The following PCNX2 variants were observed in gnomAD, a reference collection of about 807,000 sequenced individuals.
PCNX2 encodes pecanex-like protein 2.
In PCNX2, 168 loss-of-function variants were observed where a neutral mutation model predicts 223.8. The ratio of observed to expected loss-of-function variants is 0.75; its 90% CI spans 0.66 to 0.85. The LOEUF is 0.85. Ranked by LOEUF, PCNX2 falls within the 40% of genes least tolerant of loss-of-function variation. The pLI is 0.00. For synonymous variants in PCNX2, 1,006 were observed against 1,052.6 expected, an observed-to-expected ratio of 0.96 and a Z score of 0.86; for missense variants, 2,507 against 2,675.5, an observed-to-expected ratio of 0.94 and a Z score of 1.39.
intron 8 of PCNX2, 134 bp from the exon 9 acceptor site, chr1:233,237,114 G>T: frequency 8.8e-7 from 1 of 1,130,794 alleles, no homozygotes; most frequent in Non-Finnish European, 1.2e-6. Context: ...TACATAAACA[G>T]TTAAGAGTTT....
intron 4 of PCNX2, among the ~76,000 whole-genome samples, chr1:233,259,676 A>G (rs1405549245): frequency 1.3e-5 from 2 of 151,930 alleles, no homozygotes; most frequent in Admixed American, 1.3e-4. Context: ...CCCTGTGTCC[A>G]TGTGTTCTCA....
chr1:233,131,706 T>C (rs1293919628), intron 21 of PCNX2, among the ~76,000 whole-genome samples: 2 of 152,286 alleles, frequency 1.3e-5, no homozygotes, highest in East Asian at 3.9e-4. Flanking sequence ...GCTGCCTACT[T>C]TCCTTGCTTT....
chr1:233,099,973 A>T (rs1241449963), intron 21 of PCNX2, among the ~76,000 whole-genome samples: 1 of 152,222 alleles, frequency 6.6e-6, no homozygotes, highest in Non-Finnish European at 1.5e-5. Context: ...TATGAAGCTT[A>T]TCTCACTCCT....
intron 21 of PCNX2, among the ~76,000 whole-genome samples, chr1:233,116,205 C>T (rs1336813259): frequency 6.6e-6 from 1 of 152,134 alleles, no homozygotes; most frequent in Non-Finnish European, 1.5e-5. Flanking sequence ...CCACTCTCAA[C>T]AATTGACAGA....
intron 23 of PCNX2, among the ~76,000 whole-genome samples, chr1:233,074,594 C>G (rs1158976391): frequency 2.1e-5 from 1 of 47,702 alleles, no homozygotes; most frequent in Non-Finnish European, 4.3e-5. Context: ...GACTCCGTCT[C>G]AAAAAAAAAA....
At chr1:233,041,222 T>C (rs1481706673) in intron 25 of PCNX2, among the ~76,000 whole-genome samples, 1 of 152,200 alleles carries the variant, frequency 6.6e-6, no homozygotes, top group Non-Finnish European at 1.5e-5. Flanking sequence ...ACACAGTAAT[T>C]AATCTTTACA....
chr1:233,126,574 ATACT>A lies in PCNX2; in HGVS notation c.3837+8435_3837+8438del, dbSNP rs887946033. ...GAGGACTGGGAGGATTTATTCCAAA[ATACT>A]TACAATAGTTATCCATAGGAAGAGG... On this transcript the variant is annotated intron_variant, in intron 21 of 33. Coordinates refer to ENST00000258229, the MANE Select transcript of PCNX2 (RefSeq NM_014801.4). This position sits in a 1 kb window ranked among gnomAD's most constrained non-coding sequence, Gnocchi z 4.8. 6.6e-6 allele frequency among the ~76,000 whole-genome samples: 1 copy of A among 152,062 alleles called. No homozygotes were observed. The highest frequency in any genetic ancestry group is 1.5e-5 in the Non-Finnish European group (1 of 68,006).
At chr1:232,989,815 AAATT>A (rs796339844) in intron 32 of PCNX2, among the ~76,000 whole-genome samples, 274 of 152,356 alleles carry the variant, frequency 1.8e-3, no homozygotes, top group African/African-American at 6.2e-3. Flanking sequence ...GCATTTCAAA[AAATT>A]AATCAATATC....
chr1:233,317,455 A>T, the PCNX2 span, among the ~76,000 whole-genome samples: 4 of 152,066 alleles, frequency 2.6e-5, no homozygotes, highest in Admixed American at 2.0e-4. Context: ...CAAAACAAAA[A>T]AAACTGATGA....
chr1:233,211,337 T>C (rs1292915906), intron 12 of PCNX2, among the ~76,000 whole-genome samples: 1 of 152,014 alleles, frequency 6.6e-6, no homozygotes, highest in African/African-American at 2.4e-5. Flanking sequence ...TTCAGATTTT[T>C]TTTTTTTTTT....
At chr1:233,099,419 C>T (rs1053845359) in intron 21 of PCNX2, among the ~76,000 whole-genome samples, 2 of 152,158 alleles carry the variant, frequency 1.3e-5, no homozygotes. Context: ...CTGAAACATC[C>T]TTTTCAGTAA....
At chr1:233,063,241 A>G (rs1672469530) in intron 23 of PCNX2, among the ~76,000 whole-genome samples, 1 of 152,218 alleles carries the variant, frequency 6.6e-6, no homozygotes, top group South Asian at 2.1e-4. Context: ...GTCTTCAACA[A>G]CAACAACAAC....
At position 233,233,175 on chromosome 1, in the gene PCNX2, A is replaced by G. The variant is rs531948278; in HGVS notation, c.2358+3670T>C. ...TAAGATTTTAAAAACCATGGTAATG[A>G]GTCTACAGAATATACTCTGTGGGGT... On this transcript the variant is annotated intron_variant, in intron 9 of 33. Coordinates refer to ENST00000258229, the MANE Select transcript of PCNX2 (RefSeq NM_014801.4). 2.6e-5 allele frequency among the ~76,000 whole-genome samples: 4 copies of G among 152,284 alleles called. No individual in the cohort carries two copies. In the South Asian group the frequency reaches 8.3e-4, roughly 32 times the overall value.
intron 17 of PCNX2, among the ~76,000 whole-genome samples, chr1:233,164,086 T>G (rs1189053105): frequency 6.6e-6 from 1 of 152,192 alleles, no homozygotes; most frequent in Non-Finnish European, 1.5e-5. Context: ...ATGTAGTAGG[T>G]TTAGTCTTAA....
intron 21 of PCNX2, among the ~76,000 whole-genome samples, chr1:233,130,415 TTGTC>T (rs961545140): frequency 5.3e-5 from 8 of 151,934 alleles, no homozygotes; most frequent in African/African-American, 1.9e-4. Flanking sequence ...TGCACTTAAT[TTGTC>T]TGGTGGGTTC....
At chr1:232,993,060 G>T (rs1037842830) in intron 32 of PCNX2, among the ~76,000 whole-genome samples, 6 of 152,210 alleles carry the variant, frequency 3.9e-5, no homozygotes, top group Admixed American at 3.3e-4. Context: ...GCAGAGTGGG[G>T]TATTACTATA....
intron 21 of PCNX2, among the ~76,000 whole-genome samples, chr1:233,098,115 C>T (rs911607728): frequency 1.3e-5 from 2 of 152,170 alleles, no homozygotes; most frequent in African/African-American, 4.8e-5. Context: ...ACAAGATTAC[C>T]TCATATGATG....
chr1:233,064,048 A>T lies in PCNX2; in HGVS notation c.4077-6758T>A, dbSNP rs182337015. ...ATACAACTTTTTATTCTAAATATAT[A>T]TATGATTATTTCTTTACTTATCTTT... is the stretch of plus-strand genomic sequence containing the variant. On this transcript the variant is annotated intron_variant, in intron 23 of 33. Coordinates refer to ENST00000258229, the MANE Select transcript of PCNX2 (RefSeq NM_014801.4). Among the ~76,000 whole-genome samples the T allele has an allele frequency of 1.4e-4, 22 of 151,956 alleles. 1 individual carries two copies. Among genetic ancestry groups the T allele is most frequent in the Non-Finnish European group, 2.5e-4 (17 of 67,974 alleles).
intron 20 of PCNX2, among the ~76,000 whole-genome samples, chr1:233,137,120 TAACATTGATGGGAA>T (rs1676850398): frequency 6.6e-6 from 1 of 152,248 alleles, no homozygotes; most frequent in South Asian, 2.1e-4. Flanking sequence ...TGTTTCAGTA[TAACATTGATGGGAA>T]AACAAAATGG....
Sources: gnomAD v4.1 joint callset for allele counts (sites outside exome capture counted in the v4.1 genomes callset) on GRCh38, gnomAD v4.1.1 for gene constraint, Gnocchi (gnomAD v3.1) non-coding constraint, MANE v1.5 for transcripts, NCBI Gene and HGNC (gene_info 2026-07-23, HGNC 2026-07-21) for gene names.